The following POFUT1 variants were observed in gnomAD, a reference collection of about 807,000 sequenced individuals.
POFUT1 encodes GDP-fucose protein O-fucosyltransferase 1.
A neutral mutation model predicts 42.4 loss-of-function variants in POFUT1; 16 were observed. That is an observed-to-expected ratio of 0.38 (90% CI 0.26 to 0.57). The LOEUF (loss-of-function observed/expected upper bound fraction) is 0.57. Among genes scored for constraint, POFUT1 ranks in the 20% least tolerant of loss-of-function variants. The pLI is 0.71. For synonymous variants in POFUT1, 206 were observed against 205.4 expected (o/e 1.00, Z -0.03); for missense variants, 470 against 504.6 (o/e 0.93, Z 0.66).
intron 4 of POFUT1, among the ~76,000 whole-genome samples, chr20:32,225,354 A>T (rs1344999984): frequency 6.6e-6 from 1 of 151,760 alleles, no homozygotes; most frequent in Non-Finnish European, 1.5e-5. Flanking sequence ...CGTGTGGCTA[A>T]TTTTTTGTAT....
Position 32,235,583 on chromosome 20 carries a change from G to GGC in POFUT1, c.*922_*923insGC, listed in dbSNP as rs2047465915. The GGC allele has an allele frequency of 6.6e-6, 1 of 152,256 alleles. No homozygotes were observed. The highest frequency in any genetic ancestry group is 2.1e-4 in the South Asian group (1 of 4,830). The allele number at this position is 152,256 out of a possible 1,614,324, so 9.4% of individuals were successfully genotyped here. A position where few individuals can be genotyped will look rare whatever the true frequency, so the allele number is the denominator to read the frequency against. On this transcript the variant is annotated 3_prime_UTR_variant, in exon 7 of 7. Transcript: ENST00000375749. Reference sequence around the variant, plus strand: ...TCAGGCCGTATTCTCACGAGGGAACGTTTGCCAAGGCTCTGACCTCACAGA... The same window carrying GGC: ...TCAGGCCGTATTCTCACGAGGGAACGGCTTTGCCAAGGCTCTGACCTCACAGA...
Position 32,228,330 on chromosome 20 carries a change from G to C in POFUT1, c.610G>C (p.Glu204Gln). The change falls in exon 5 of 7, where the codon GAA (glutamate) becomes CAA (glutamine). Residue 204 changes from glutamate (E) to glutamine (Q), a missense_variant. Physicochemically the swap from Glu to Gln is conservative, Grantham distance 29. Transcript: ENST00000375749. Reference sequence around the variant, plus strand: ...CCCAGCCCAGTTCCCCGTCCTAGAGGAACACAGGCCACTACAGAAGTACAT... The same window carrying C: ...CCCAGCCCAGTTCCCCGTCCTAGAGCAACACAGGCCACTACAGAAGTACAT... ...GAPAQFPVLE[E>Q]HRPLQKYMVW... The C allele has an allele frequency of 6.2e-7, 1 of 1,613,900 alleles. No homozygotes were observed. Among genetic ancestry groups the C allele is most frequent in the Non-Finnish European group, 8.5e-7 (1 of 1,179,844 alleles).
At chr20:32,231,193 TC>T in intron 6 of POFUT1, 132 bp downstream of exon 6, 2 of 949,556 alleles carry the variant, frequency 2.1e-6, no homozygotes, top group East Asian at 5.1e-5. Flanking sequence ...CCTCTTCAGT[TC>T]CTACCCTCCT....
In POFUT1 at chr20:32,208,001, G is replaced by T. The variant is rs762460177; in HGVS notation, c.60G>T (p.Pro20=). 8.2e-6 allele frequency: 13 copies of T among 1,591,576 alleles called. No homozygotes were observed. The highest frequency in any genetic ancestry group is 1.0e-5 in the Non-Finnish European group (12 of 1,173,726). The change falls in exon 1 of 7, where the codon CCG becomes CCT. Residue 20 remains proline, a synonymous_variant. Transcript: ENST00000375749. ...TGTCTTTCCTGCTGCTGCTTCTGCC[G>T]CTCCCGGGGATGCCTGCGGGCTCCT... is the stretch of plus-strand genomic sequence containing the variant. The part of the protein sequence containing the change: ...LSVSFLLLLL[P]LPGMPAGSWD...
chr20:32,217,189 C>G, intron 4 of POFUT1: 2 of 1,451,262 alleles, frequency 1.4e-6, no homozygotes, highest in Non-Finnish European at 1.8e-6. Flanking sequence ...GACGTGGGCA[C>G]AGGCCGTGAA....
rs146234518 is a variant in POFUT1 at position 32,232,750 on chromosome 20, C to T, written c.978+1689C>T. ...GAGTTTTTTTGTGAGTTTTTGGAGT[C>T]AGTGTATCTGTTACACCTTGAACCT... is the stretch of plus-strand genomic sequence containing the variant. On this transcript the variant is annotated intron_variant, in intron 6 of 6. Transcript: ENST00000375749. Among the ~76,000 whole-genome samples the T allele has an allele frequency of 3.0e-4, 45 of 151,874 alleles. 1 individual carries two copies. The East Asian group carries it at 8.3e-3, about 28-fold the overall frequency.
At chr20:32,230,120 G>A (rs2047434637) in intron 5 of POFUT1, among the ~76,000 whole-genome samples, 1 of 151,856 alleles carries the variant, frequency 6.6e-6, no homozygotes, top group Non-Finnish European at 1.5e-5. Flanking sequence ...GGGCGTGGTG[G>A]CTCATGCCTG....
intron 3 of POFUT1, among the ~76,000 whole-genome samples, 190 bp from the exon 4 acceptor site, chr20:32,216,419 A>G (rs913959907): frequency 1.3e-5 from 2 of 152,208 alleles, no homozygotes; most frequent in African/African-American, 2.4e-5. Flanking sequence ...GGAATCCAGA[A>G]TTGAAGCCAC....
intron 4 of POFUT1, among the ~76,000 whole-genome samples, chr20:32,226,466 GT>G (rs1205720965): frequency 6.6e-6 from 1 of 151,906 alleles, no homozygotes; most frequent in African/African-American, 2.4e-5. Flanking sequence ...GTGTGTGTGT[GT>G]GTGTGTGTGT....
At chr20:32,217,251 G>A in intron 4 of POFUT1, 1 of 1,389,940 alleles carries the variant, frequency 7.2e-7, no homozygotes, top group Non-Finnish European at 9.3e-7. Context: ...GAGGCCAATG[G>A]TGATGTGTGA....
chr20:32,237,321 A>G lies in POFUT1; in HGVS notation c.*2660A>G, dbSNP rs1380459162. 1.3e-5 allele frequency: 2 copies of G among 157,096 alleles called. No homozygotes were observed. The highest frequency in any genetic ancestry group is 1.8e-4 in the East Asian group (1 of 5,422). The allele number at this position is 157,096 out of a possible 1,614,324, so 9.7% of individuals were successfully genotyped here. A position where few individuals can be genotyped will look rare whatever the true frequency, so the allele number is the denominator to read the frequency against. On this transcript the variant is annotated 3_prime_UTR_variant, in exon 7 of 7. Coordinates refer to ENST00000375749, the MANE Select transcript of POFUT1 (RefSeq NM_015352.2). ...TTCTAGAAAGTAGAAGATGTAATAA[A>G]TGTACTGTGGGACATGTTAATAAGT...
In POFUT1 at chr20:32,224,635, A is replaced by G. The variant is rs2047405990; in HGVS notation, c.543-3628A>G. On this transcript the variant is annotated intron_variant, in intron 4 of 6. Transcript: ENST00000375749. ...CAGAAGGCAGCAAGAGAAGTGGGACAGGGAACACTCCCTAAGGAGGTGAGG... is the reference window on the plus strand; with the variant it reads ...CAGAAGGCAGCAAGAGAAGTGGGACGGGGAACACTCCCTAAGGAGGTGAGG... Among the ~76,000 whole-genome samples the G allele has an allele frequency of 2.0e-5, 3 of 152,312 alleles. No individual in the cohort carries two copies. The South Asian group carries it at 6.2e-4, about 32-fold the overall frequency.
At chr20:32,213,676 C>CAG in intron 2 of POFUT1, among the ~76,000 whole-genome samples, 1 of 152,044 alleles carries the variant, frequency 6.6e-6, no homozygotes, top group East Asian at 1.9e-4. Context: ...GAGGCTGAGG[C>CAG]AGGAGAATCG....
chr20:32,215,902 G>A (rs772015533), intron 3 of POFUT1, among the ~76,000 whole-genome samples: 9 of 152,310 alleles, frequency 5.9e-5, no homozygotes, highest in Non-Finnish European at 1.5e-5. Context: ...ACCGAGGATG[G>A]CACAGAGAGG....
intron 4 of POFUT1, among the ~76,000 whole-genome samples, chr20:32,227,505 C>A (rs1004117285): frequency 6.6e-6 from 1 of 152,216 alleles, no homozygotes; most frequent in East Asian, 1.9e-4. Context: ...CTGGGTGACA[C>A]CTGGGTGACA....
chr20:32,220,357 T>C (rs2047385148), intron 4 of POFUT1, among the ~76,000 whole-genome samples: 1 of 152,162 alleles, frequency 6.6e-6, no homozygotes, highest in Non-Finnish European at 1.5e-5. Flanking sequence ...TCTTGATCTC[T>C]TGGCCTCAAG....
At chr20:32,215,138 C>G in intron 2 of POFUT1, 131 bp from the exon 3 acceptor site, 6 of 619,306 alleles carry the variant, frequency 9.7e-6, no homozygotes, top group Non-Finnish European at 1.4e-5. Flanking sequence ...ATCCGCCCGC[C>G]TTATCCTCCC....
rs928457233 is a variant in POFUT1, at chr20:32,226,504, T to C, written c.543-1759T>C. ...TATTTCTGTGCAGTTTTATCGTGTG[T>C]GGGTTTATGTATCCACTACTATAGT... On this transcript the variant is annotated intron_variant, in intron 4 of 6. Coordinates refer to ENST00000375749, the MANE Select transcript of POFUT1 (RefSeq NM_015352.2). Among the ~76,000 whole-genome samples, 33 of 152,018 alleles carry C rather than the reference T, an allele frequency of 2.2e-4. 1 individual carries two copies. Among genetic ancestry groups the C allele is most frequent in the Non-Finnish European group, 1.5e-5 (1 of 68,006 alleles).
At chr20:32,232,727 GT>G (rs1303150779) in intron 6 of POFUT1, among the ~76,000 whole-genome samples, 1 of 151,966 alleles carries the variant, frequency 6.6e-6, no homozygotes, top group Non-Finnish European at 1.5e-5. Context: ...GTCCCAGGGA[GT>G]TTTTTTGTGA....
Sources: gnomAD v4.1 joint callset for allele counts (sites outside exome capture counted in the v4.1 genomes callset) on GRCh38, gnomAD v4.1.1 for gene constraint, MANE v1.5 for transcripts, NCBI Gene and HGNC (gene_info 2026-07-23, HGNC 2026-07-21) for gene names.